Variants in L3MBTL3 observed in about 807,000 individuals in gnomAD.
L3MBTL3 encodes the protein L3MBTL histone methyl-lysine binding protein 3.
Under a neutral mutation model 102.3 loss-of-function variants are expected in L3MBTL3, and 27 were observed. That is an observed-to-expected ratio of 0.26 (90% CI 0.19 to 0.36). The LOEUF (loss-of-function observed/expected upper bound fraction) is 0.36. Ranked by LOEUF, L3MBTL3 falls within the 10% of genes least tolerant of loss-of-function variation. L3MBTL3 has a pLI of 1.00. For missense variants in L3MBTL3, 798 were observed against 955.3 expected (o/e 0.84, Z 2.17); for synonymous variants, 340 against 320.9 (o/e 1.06, Z -0.64).
intron 19 of L3MBTL3, among the ~76,000 whole-genome samples, chr6:130,106,743 AT>A (rs1242024912): frequency 6.6e-6 from 1 of 151,916 alleles, no homozygotes; most frequent in Non-Finnish European, 1.5e-5. Flanking sequence ...CCTGACTCAC[AT>A]TTTTTCCAAG....
At chr6:130,075,871 A>G (rs1782918483) in intron 13 of L3MBTL3, among the ~76,000 whole-genome samples, 1 of 152,190 alleles carries the variant, frequency 6.6e-6, no homozygotes, top group African/African-American at 2.4e-5. Flanking sequence ...GGAAAATTTG[A>G]TACGAGGGTG....
chr6:130,120,867 T>G lies in L3MBTL3; in HGVS notation c.1887-12T>G. ...TTCTCTTATAAAATATTGAAATGCC[T>G]GTTTTTCTTAGAGACCAGCATGCTG... On this transcript the variant is annotated splice_polypyrimidine_tract_variant and intron_variant, in intron 19 of 22. Transcript: ENST00000361794. 1 of 1,599,430 alleles carries G rather than the reference T, an allele frequency of 6.3e-7. No homozygotes were observed. The highest frequency in any genetic ancestry group is 8.6e-7 in the Non-Finnish European group (1 of 1,168,838).
Position 130,055,231 on chromosome 6 carries a change from G to A in L3MBTL3, c.643G>A (p.Gly215Arg). The A allele has an allele frequency of 1.9e-6, 3 of 1,613,644 alleles. No individual in the cohort carries two copies. The highest frequency in any genetic ancestry group is 2.5e-6 in the Non-Finnish European group (3 of 1,179,754). ...GSQRARRKRRGDSAVLKQGLP... is the reference protein window; with the variant it reads ...GSQRARRKRRRDSAVLKQGLP... ...GCAGAGAGCACGGAGGAAAAGACGA[G>A]GGGATTCGGCTGTACTAAAGCAGGG... Residue 215 changes from glycine to arginine, a missense_variant, in exon 8 of 23, where the codon GGG becomes AGG. Coordinates refer to ENST00000361794, the MANE Select transcript of L3MBTL3 (RefSeq NM_032438.4).
At chr6:130,061,110 A>T (rs1301006095) in intron 10 of L3MBTL3, among the ~76,000 whole-genome samples, 3 of 122,994 alleles carry the variant, frequency 2.4e-5, no homozygotes, top group Non-Finnish European at 3.2e-5. Flanking sequence ...TTTGAGATGG[A>T]GTCTCACTCT....
chr6:130,062,412 T>A (rs1781952663), intron 10 of L3MBTL3, among the ~76,000 whole-genome samples: 1 of 149,700 alleles, frequency 6.7e-6, no homozygotes, highest in Non-Finnish European at 1.5e-5. Flanking sequence ...CGAGACAGGG[T>A]CCGTCTCTGT....
At chr6:130,069,806 C>T (rs1782509638) in intron 12 of L3MBTL3, among the ~76,000 whole-genome samples, 1 of 152,180 alleles carries the variant, frequency 6.6e-6, no homozygotes, top group South Asian at 2.1e-4. Flanking sequence ...CTCTCCATTT[C>T]GTATCTAAGA....
At chr6:130,036,814 G>A (rs554384924) in intron 2 of L3MBTL3, among the ~76,000 whole-genome samples, 42 of 152,284 alleles carry the variant, frequency 2.8e-4, no homozygotes, top group African/African-American at 1.0e-3. Flanking sequence ...AACTAGTTTT[G>A]TCATGTTCTG....
At chr6:130,067,255 A>G (rs1782321620) in intron 11 of L3MBTL3, among the ~76,000 whole-genome samples, 1 of 152,116 alleles carries the variant, frequency 6.6e-6, no homozygotes, top group South Asian at 2.1e-4. Context: ...CTGGGATTAC[A>G]GGTGCCTGCC....
chr6:130,022,638 T>C (rs1431745869), intron 2 of L3MBTL3, among the ~76,000 whole-genome samples: 2 of 152,246 alleles, frequency 1.3e-5, no homozygotes, highest in Non-Finnish European at 2.9e-5. Flanking sequence ...TGTAAATTAA[T>C]ATAAGTGTTA....
intron 20 of L3MBTL3, among the ~76,000 whole-genome samples, chr6:130,125,993 G>A (rs1408614091): frequency 7.0e-6 from 1 of 143,806 alleles, no homozygotes; most frequent in African/African-American, 2.7e-5. Context: ...TAGAGTATGT[G>A]TAATTATGAG....
intron 19 of L3MBTL3, among the ~76,000 whole-genome samples, chr6:130,116,891 A>G (rs1309387176): frequency 6.6e-6 from 1 of 151,336 alleles, no homozygotes; most frequent in Admixed American, 6.6e-5. Flanking sequence ...ATTAAAATAT[A>G]GCATGAAAAT....
At chr6:130,120,858 T>G in intron 19 of L3MBTL3, 21 bp from the exon 20 acceptor site, 1 of 1,577,942 alleles carries the variant, frequency 6.3e-7, no homozygotes. Context: ...TATAAAATAT[T>G]GAAATGCCTG....
chr6:130,136,498 C>T (rs1420199352), intron 22 of L3MBTL3, among the ~76,000 whole-genome samples: 1 of 152,166 alleles, frequency 6.6e-6, no homozygotes, highest in Non-Finnish European at 1.5e-5. Context: ...GCTCAGATGC[C>T]AGCTTGCCAA....
intron 1 of L3MBTL3, among the ~76,000 whole-genome samples, chr6:130,018,996 A>G (rs1778740614): frequency 6.6e-6 from 1 of 151,824 alleles, no homozygotes; most frequent in Admixed American, 6.6e-5. Context: ...GAGAGAAAAG[A>G]GAAAGGAAAA....
At chr6:130,081,714 C>A (rs191324215) in intron 14 of L3MBTL3, among the ~76,000 whole-genome samples, 2 of 152,002 alleles carry the variant, frequency 1.3e-5, no homozygotes, top group African/African-American at 4.8e-5. Flanking sequence ...CGTGAGCCAC[C>A]GCACCCGGCT....
chr6:130,086,903 T>C (rs899636724), intron 16 of L3MBTL3, among the ~76,000 whole-genome samples: 1 of 152,210 alleles, frequency 6.6e-6, no homozygotes, highest in Non-Finnish European at 1.5e-5. Context: ...GAATTTCTAT[T>C]AGGAATAAGA....
intron 13 of L3MBTL3, among the ~76,000 whole-genome samples, chr6:130,075,732 T>C (rs1782909236): frequency 6.6e-6 from 1 of 152,100 alleles, no homozygotes; most frequent in Admixed American, 6.6e-5. Flanking sequence ...GAAGCCACTG[T>C]GGAGGGAGAG....
chr6:130,048,967 C>CACACACACACACATAT (rs71678245), intron 3 of L3MBTL3, among the ~76,000 whole-genome samples: 2 of 150,454 alleles, frequency 1.3e-5, no homozygotes, highest in Non-Finnish European at 3.0e-5. Flanking sequence ...CACACACACA[C>CACACACACACACATAT]ACATACACAC....
intron 18 of L3MBTL3, among the ~76,000 whole-genome samples, chr6:130,101,213 A>G (rs1784664535): frequency 6.6e-6 from 1 of 152,184 alleles, no homozygotes; most frequent in Non-Finnish European, 1.5e-5. Flanking sequence ...TTTGTCATAA[A>G]CAGAGTCAGG....
Sources: allele counts gnomAD v4.1 joint callset (sites outside exome capture counted in the v4.1 genomes callset), GRCh38; gene constraint gnomAD v4.1.1; transcripts MANE v1.5; gene names NCBI Gene and HGNC (gene_info 2026-07-23, HGNC 2026-07-21).